KRABD5: variants seen among roughly 807,000 people sequenced by gnomAD.
KRABD5 encodes the protein KRAB domain-containing protein 5.
At chr16:31,751,064 A>C in the KRABD5 span, among the ~76,000 whole-genome samples, 1 of 152,264 alleles carries the variant, frequency 6.6e-6, no homozygotes, top group East Asian at 1.9e-4. Context: ...CTAGCTTTTA[A>C]ATTTTGATTC....
chr16:31,725,985 CTTGTTT>C, the KRABD5 span, among the ~76,000 whole-genome samples: 1 of 152,120 alleles, frequency 6.6e-6, no homozygotes, highest in Non-Finnish European at 1.5e-5. Flanking sequence ...TGTAGTCCCG[CTTGTTT>C]TTGTTTTTGT....
At chr16:31,737,271 A>G in the KRABD5 span, among the ~76,000 whole-genome samples, 1 of 150,568 alleles carries the variant, frequency 6.6e-6, no homozygotes, top group South Asian at 2.1e-4. Context: ...GTCCTTGTTT[A>G]CAGACAATAT....
the KRABD5 span, among the ~76,000 whole-genome samples, chr16:31,737,928 T>G: frequency 6.6e-6 from 1 of 152,178 alleles, no homozygotes; most frequent in East Asian, 1.9e-4. Flanking sequence ...TATTGACATC[T>G]TAACAGTATT....
chr16:31,754,360 A>G, the KRABD5 span: 101 of 612,322 alleles, frequency 1.6e-4, 1 homozygote, highest in Non-Finnish European at 1.4e-5. Flanking sequence ...GTCAAGGAAT[A>G]GATAATTTGG....
At chr16:31,713,818 C>G in the KRABD5 span, among the ~76,000 whole-genome samples, 2 of 152,218 alleles carry the variant, frequency 1.3e-5, no homozygotes, top group Non-Finnish European at 2.9e-5. Flanking sequence ...TAAGGGGAGT[C>G]ACCCTTAAAG....
chr16:31,739,416 G>A, the KRABD5 span, among the ~76,000 whole-genome samples: 1 of 151,674 alleles, frequency 6.6e-6, no homozygotes, highest in Non-Finnish European at 1.5e-5. Context: ...GACATCTGCT[G>A]GTCATCCTAG....
At chr16:31,713,562 C>CTCCGGGGTCTGGG in the KRABD5 span, 1 of 1,358,522 alleles carries the variant, frequency 7.4e-7, no homozygotes, top group Non-Finnish European at 9.8e-7. Flanking sequence ...GGCCCTTGGT[C>CTCCGGGGTCTGGG]CCCTCCGCCG....
chr16:31,743,333 T>A, the KRABD5 span, among the ~76,000 whole-genome samples: 1 of 151,850 alleles, frequency 6.6e-6, no homozygotes, highest in East Asian at 1.9e-4. Context: ...TTCTGTTTTC[T>A]GCATATGGCT....
chr16:31,756,624 C>A, the KRABD5 span: 1 of 152,014 alleles, frequency 6.6e-6, no homozygotes, highest in Non-Finnish European at 1.5e-5. Context: ...CTTTTTGTAG[C>A]TACTGGTGTA....
At chr16:31,722,623 C>T in the KRABD5 span, 1 of 1,612,514 alleles carries the variant, frequency 6.2e-7, no homozygotes, top group Non-Finnish European at 8.5e-7. Context: ...ATTTTTATTT[C>T]AGGGACTGTT....
the KRABD5 span, chr16:31,722,648 T>C: frequency 1.2e-6 from 2 of 1,613,560 alleles, no homozygotes; most frequent in Non-Finnish European, 8.5e-7. Context: ...TTCAGGGATG[T>C]GGCCATAGAA....
chr16:31,757,711 A>G, the KRABD5 span: 1 of 152,160 alleles, frequency 6.6e-6, no homozygotes, highest in African/African-American at 2.4e-5. Context: ...TAGTTCACAA[A>G]AGTTAAATGG....
the KRABD5 span, chr16:31,753,697 A>G: frequency 1.5e-5 from 21 of 1,355,980 alleles, no homozygotes; most frequent in Non-Finnish European, 2.0e-5. Flanking sequence ...TAATTTGTGT[A>G]TTAGATTTAT....
chr16:31,757,849 G>GATA, the KRABD5 span: 1,125 of 84,416 alleles, frequency 0.013, 11 homozygotes, highest in African/African-American at 0.038. Context: ...TAGGTAGGTA[G>GATA]GTAGATAGAT....
the KRABD5 span, among the ~76,000 whole-genome samples, chr16:31,739,779 G>A: frequency 6.6e-6 from 1 of 152,158 alleles, no homozygotes; most frequent in East Asian, 1.9e-4. Flanking sequence ...TGACATGTTC[G>A]TGATGGCCAT....
chr16:31,750,950 G>C, the KRABD5 span, among the ~76,000 whole-genome samples: 2 of 152,156 alleles, frequency 1.3e-5, no homozygotes, highest in African/African-American at 2.4e-5. Context: ...AGTAGAGACA[G>C]GGTTTCGCCA....
chr16:31,753,438 TTTTA>T, the KRABD5 span, among the ~76,000 whole-genome samples: 1 of 152,226 alleles, frequency 6.6e-6, no homozygotes, highest in East Asian at 1.9e-4. Context: ...GTTTTGCTCC[TTTTA>T]TTTTTCTTTC....
chr16:31,724,563 G>A, the KRABD5 span, among the ~76,000 whole-genome samples: 1 of 151,952 alleles, frequency 6.6e-6, no homozygotes, highest in African/African-American at 2.4e-5. Flanking sequence ...GTGGTGGCGG[G>A]TGCCTGTAGT....
At chr16:31,727,588 T>C in the KRABD5 span, among the ~76,000 whole-genome samples, 51 of 152,240 alleles carry the variant, frequency 3.3e-4, 1 homozygote, top group Admixed American at 3.3e-3. Flanking sequence ...CATTAATTCA[T>C]CTTTAAATGT....
Sources: allele counts gnomAD v4.1 joint callset (sites outside exome capture counted in the v4.1 genomes callset), GRCh38; gene constraint gnomAD v4.1.1; transcripts MANE v1.5; gene names NCBI Gene and HGNC (gene_info 2026-07-23, HGNC 2026-07-21).